The following CPNE4 variants were observed in gnomAD, a reference collection of about 807,000 sequenced individuals.
CPNE4 encodes copine-4.
Under a neutral mutation model 67.9 loss-of-function variants are expected in CPNE4, and 25 were observed. The ratio of observed to expected loss-of-function variants is 0.37; its 90% confidence interval spans 0.27 to 0.51. The LOEUF is 0.51. Among genes scored for constraint, CPNE4 ranks in the 20% least tolerant of loss-of-function variants. The probability of loss-of-function intolerance (pLI) is 0.93; values close to 1 mark genes in which losing one functional copy is unlikely to be tolerated. For missense variants in CPNE4, 464 were observed against 690.8 expected (o/e 0.67, Z 3.68); for synonymous variants, 242 against 244.9 (o/e 0.99, Z 0.11).
intron 2 of CPNE4, among the ~76,000 whole-genome samples, chr3:131,830,968 A>AC (rs1160825486): frequency 6.6e-6 from 1 of 152,128 alleles, no homozygotes; most frequent in African/African-American, 2.4e-5. Flanking sequence ...ACTTTAGAAA[A>AC]TATATTTAAA....
upstream of CPNE4, chr3:132,037,422 C>A: frequency 1.5e-6 from 1 of 673,948 alleles, no homozygotes. Context: ...AAATCAACAG[C>A]TCATCTGTAC....
At chr3:132,014,793 A>G (rs759244802) in intron 1 of CPNE4, among the ~76,000 whole-genome samples, 34 of 152,150 alleles carry the variant, frequency 2.2e-4, no homozygotes, top group Non-Finnish European at 3.1e-4. Flanking sequence ...ATAGCTTTTA[A>G]TTATTTTAGT....
At chr3:131,690,899 G>A (rs1031884143) in intron 5 of CPNE4, among the ~76,000 whole-genome samples, 4 of 152,150 alleles carry the variant, frequency 2.6e-5, no homozygotes, top group African/African-American at 4.8e-5. Flanking sequence ...CAAAGGACAT[G>A]AGCAGACACT....
In CPNE4 at chr3:131,911,246, CTG is replaced by C. The variant is rs1214311300; in HGVS notation, c.-1-5804_-1-5803del. Among the ~76,000 whole-genome samples, 5 of 147,218 alleles carry C rather than the reference CTG, an allele frequency of 3.4e-5. No homozygotes were observed. In the Admixed American group the frequency reaches 3.5e-4, roughly 10 times the overall value. On this transcript the variant is annotated intron_variant, in intron 1 of 15. Coordinates refer to ENST00000429747, the MANE Select transcript of CPNE4 (RefSeq NM_130808.3). ...CATTCATCCAATAGGCAGCCAGAAA[CTG>C]AGACTCTCAGTCCAACACGCTGAAA...
In CPNE4 at chr3:131,575,120, A is replaced by G; in HGVS notation, c.878T>C (p.Met293Thr). Residue 293 changes from methionine to threonine, a missense_variant, in exon 10 of 16, where the codon ATG becomes ACG. Physicochemically the swap from Met to Thr is moderately conservative, Grantham distance 81. Transcript: ENST00000429747. ...CATGATGTAGTCCAAGAAAGAATGC[A>G]TCTTGTGAATCTGCATAGGAGGGGA... ...VILNLCKIHK[M>T]HSFLDYIMGG... The G allele has an allele frequency of 3.7e-6, 6 of 1,612,704 alleles. No homozygotes were observed. Among genetic ancestry groups the G allele is most frequent in the Non-Finnish European group, 5.1e-6 (6 of 1,178,996 alleles).
At chr3:131,927,620 T>C (rs1225047) in intron 1 of CPNE4, among the ~76,000 whole-genome samples, 1 of 152,016 alleles carries the variant, frequency 6.6e-6, no homozygotes, top group African/African-American at 2.4e-5. Flanking sequence ...GCCAATCAAT[T>C]TTTGTTAACT....
At chr3:131,993,916 T>C (rs1268542808) in intron 1 of CPNE4, among the ~76,000 whole-genome samples, 1 of 135,734 alleles carries the variant, frequency 7.4e-6, no homozygotes. Context: ...ATTATTTACA[T>C]AGAAAATCCT....
chr3:131,709,000 A>C (rs756505064), intron 3 of CPNE4, among the ~76,000 whole-genome samples: 19,554 of 132,874 alleles, frequency 0.15, 2,331 homozygotes, highest in African/African-American at 0.21. Flanking sequence ...ATATATACAT[A>C]CACACATAAT....
intron 7 of CPNE4, among the ~76,000 whole-genome samples, chr3:131,650,452 A>T (rs1295223166): frequency 6.6e-6 from 1 of 152,084 alleles, no homozygotes; most frequent in Non-Finnish European, 1.5e-5. Context: ...TTTTAACCAT[A>T]GCCTTTAAAA....
intron 1 of CPNE4, among the ~76,000 whole-genome samples, chr3:132,033,490 GC>G (rs1358291049): frequency 6.6e-6 from 1 of 151,704 alleles, no homozygotes; most frequent in African/African-American, 2.4e-5. Context: ...CGCTTCCCTA[GC>G]CCCCTCCCGC....
chr3:132,005,942 C>T (rs994625177), intron 1 of CPNE4, among the ~76,000 whole-genome samples: 5 of 152,034 alleles, frequency 3.3e-5, no homozygotes, highest in Admixed American at 6.6e-5. Context: ...TTTTAACAGC[C>T]GTATGACCCT....
intron 1 of CPNE4, among the ~76,000 whole-genome samples, chr3:131,942,498 G>C (rs144915714): frequency 0.069 from 8,832 of 127,830 alleles, 286 homozygotes; most frequent in East Asian, 0.1. Context: ...GAGAGAGAGA[G>C]AGAGAGAGAG....
At chr3:131,759,883 A>G (rs562747767) in intron 2 of CPNE4, among the ~76,000 whole-genome samples, 1 of 152,328 alleles carries the variant, frequency 6.6e-6, no homozygotes, top group South Asian at 2.1e-4. Flanking sequence ...TTCTAAAGAC[A>G]GAACTCTAAT....
intron 2 of CPNE4, among the ~76,000 whole-genome samples, chr3:131,863,417 G>A (rs147398241): frequency 0.045 from 6,849 of 152,230 alleles, 508 homozygotes; most frequent in African/African-American, 0.15. Flanking sequence ...GGTATGAGAT[G>A]GTATCTCACT....
At position 131,635,906 on chromosome 3, in the gene CPNE4, C is replaced by T. The variant is rs540571970; in HGVS notation, c.681+33769G>A. Among the ~76,000 whole-genome samples, 10 of 87,030 alleles carry T rather than the reference C, an allele frequency of 1.1e-4. 3 individuals are homozygous for T. Among genetic ancestry groups the T allele is most frequent in the African/African-American group, 2.8e-4 (2 of 7,090 alleles). The allele number at this position is 87,030 out of a possible 152,430, so 57.1% of individuals were successfully genotyped here. Reference sequence around the variant, plus strand: ...ACCATCCCGGCTAAAACGGTGAAACCCCGTCTCTACTAAAAATACAAAAAA... The same window carrying T: ...ACCATCCCGGCTAAAACGGTGAAACTCCGTCTCTACTAAAAATACAAAAAA... On this transcript the variant is annotated intron_variant, in intron 7 of 15. Coordinates refer to ENST00000429747, the MANE Select transcript of CPNE4 (RefSeq NM_130808.3).
intron 5 of CPNE4, among the ~76,000 whole-genome samples, chr3:131,688,602 G>T (rs2107684582): frequency 6.6e-6 from 1 of 152,246 alleles, no homozygotes; most frequent in South Asian, 2.1e-4. Context: ...TAAATAGATT[G>T]TTGGTCCCTC....
chr3:131,643,835 C>G (rs2079596941), intron 7 of CPNE4, among the ~76,000 whole-genome samples: 1 of 152,104 alleles, frequency 6.6e-6, no homozygotes, highest in African/African-American at 2.4e-5. Flanking sequence ...TGGCACTTCT[C>G]CTTGCTGCCG....
intron 10 of CPNE4, among the ~76,000 whole-genome samples, chr3:131,571,827 A>G (rs1043319455): frequency 6.6e-6 from 1 of 151,994 alleles, no homozygotes; most frequent in Non-Finnish European, 1.5e-5. Context: ...CTCAAAATTC[A>G]AAGCCCTTCA....
chr3:131,620,042 G>A (rs572315122), intron 7 of CPNE4, among the ~76,000 whole-genome samples: 1 of 152,256 alleles, frequency 6.6e-6, no homozygotes, highest in Non-Finnish European at 1.5e-5. Flanking sequence ...CTCTAATTGG[G>A]CAAAAGTAGT....
Sources: allele counts gnomAD v4.1 joint callset (sites outside exome capture counted in the v4.1 genomes callset), GRCh38; gene constraint gnomAD v4.1.1; transcripts MANE v1.5; gene names NCBI Gene and HGNC (gene_info 2026-07-23, HGNC 2026-07-21).